The following BLTP3A variants were observed in gnomAD, a reference collection of about 807,000 sequenced individuals.
BLTP3A encodes ICBP90 binding protein 1.
the BLTP3A span, among the ~76,000 whole-genome samples, chr6:34,813,915 A>G: frequency 6.6e-6 from 1 of 152,208 alleles, no homozygotes; most frequent in African/African-American, 2.4e-5. Context: ...CCTCTTATAT[A>G]ATTCTCAGAG....
chr6:34,817,299 A>G, the BLTP3A span, among the ~76,000 whole-genome samples: 1 of 152,198 alleles, frequency 6.6e-6, no homozygotes, highest in African/African-American at 2.4e-5. Context: ...AGTTGTTTTC[A>G]GAGGAAAAGA....
the BLTP3A span, among the ~76,000 whole-genome samples, chr6:34,822,872 A>G: frequency 6.6e-6 from 1 of 151,042 alleles, no homozygotes; most frequent in East Asian, 2.0e-4. Flanking sequence ...AAAAAAGTTT[A>G]GTTTGGGTTG....
the BLTP3A span, among the ~76,000 whole-genome samples, chr6:34,804,889 C>G: frequency 3.3e-5 from 5 of 152,172 alleles, no homozygotes; most frequent in African/African-American, 9.7e-5. Context: ...ATTACTAGCT[C>G]TATGACCTGG....
At chr6:34,867,093 C>T in the BLTP3A span, 3 of 842,418 alleles carry the variant, frequency 3.6e-6, no homozygotes, top group African/African-American at 4.2e-5. Flanking sequence ...TCTAGTTAGT[C>T]CTCAAATTTC....
chr6:34,849,416 AAAAC>A, the BLTP3A span, among the ~76,000 whole-genome samples: 6 of 152,232 alleles, frequency 3.9e-5, no homozygotes, highest in Non-Finnish European at 5.9e-5. Flanking sequence ...ACTGATTACA[AAAAC>A]AAACCAACTA....
chr6:34,793,923 C>CA, the BLTP3A span, among the ~76,000 whole-genome samples: 266 of 123,488 alleles, frequency 2.2e-3, no homozygotes, highest in East Asian at 0.013. Context: ...TTCAAGGGTA[C>CA]AAAAAAAAAA....
At chr6:34,804,107 C>T in the BLTP3A span, among the ~76,000 whole-genome samples, 67 of 152,156 alleles carry the variant, frequency 4.4e-4, no homozygotes, top group Admixed American at 1.2e-3. Flanking sequence ...TTCAGGCAGG[C>T]TCTGGCTCTT....
chr6:34,834,798 A>G, the BLTP3A span: 1 of 1,614,216 alleles, frequency 6.2e-7, no homozygotes, highest in Non-Finnish European at 8.5e-7. Context: ...ATCAGGACCC[A>G]GTCACCACTC....
chr6:34,855,460 C>T, the BLTP3A span, among the ~76,000 whole-genome samples: 2 of 152,214 alleles, frequency 1.3e-5, no homozygotes, highest in Admixed American at 6.5e-5. Flanking sequence ...AAGAGGGCCT[C>T]AGCCTTGCAA....
the BLTP3A span, among the ~76,000 whole-genome samples, chr6:34,846,077 T>TCCTTCCCCTC: frequency 2.8e-5 from 2 of 70,586 alleles, no homozygotes; most frequent in Non-Finnish European, 5.1e-5. Context: ...CCATTTCTTT[T>TCCTTCCCCTC]CCCTCCCCTC....
the BLTP3A span, among the ~76,000 whole-genome samples, chr6:34,805,084 G>A: frequency 1.3e-5 from 2 of 151,700 alleles, no homozygotes; most frequent in East Asian, 1.9e-4. Context: ...GGTTGAGCTC[G>A]GAAGTTCCAG....
the BLTP3A span, among the ~76,000 whole-genome samples, chr6:34,804,043 A>G: frequency 0.068 from 10,284 of 152,220 alleles, 553 homozygotes; most frequent in East Asian, 0.33. Flanking sequence ...GGCAGTATAT[A>G]GTAGTATGTG....
the BLTP3A span, chr6:34,836,248 C>T: frequency 6.2e-7 from 1 of 1,614,202 alleles, no homozygotes; most frequent in African/African-American, 1.3e-5. Flanking sequence ...GCCGCCTCAG[C>T]CAGTACTTTG....
At chr6:34,823,442 C>A in the BLTP3A span, 2 of 983,952 alleles carry the variant, frequency 2.0e-6, no homozygotes, top group Non-Finnish European at 3.2e-6. Flanking sequence ...TGGACATTTT[C>A]AAACTTACAC....
the BLTP3A span, among the ~76,000 whole-genome samples, chr6:34,800,489 G>A: frequency 1.3e-5 from 2 of 152,162 alleles, no homozygotes; most frequent in Non-Finnish European, 2.9e-5. Context: ...GGGAGTAATG[G>A]GGGTTGTAGG....
At chr6:34,852,278 G>A in the BLTP3A span, among the ~76,000 whole-genome samples, 1 of 152,096 alleles carries the variant, frequency 6.6e-6, no homozygotes, top group Non-Finnish European at 1.5e-5. Flanking sequence ...AAGGCCCATG[G>A]CAAATACTGT....
the BLTP3A span, among the ~76,000 whole-genome samples, chr6:34,796,535 G>A: frequency 1.3e-5 from 2 of 152,106 alleles, no homozygotes; most frequent in African/African-American, 2.4e-5. Context: ...GAAACACAAA[G>A]CAATGATTTA....
At chr6:34,864,766 G>C in the BLTP3A span, among the ~76,000 whole-genome samples, 1 of 152,052 alleles carries the variant, frequency 6.6e-6, no homozygotes, top group Non-Finnish European at 1.5e-5. Flanking sequence ...TCGAGAGTTG[G>C]AGACTAGCCT....
At chr6:34,843,794 T>C in the BLTP3A span, among the ~76,000 whole-genome samples, 2 of 152,202 alleles carry the variant, frequency 1.3e-5, no homozygotes, top group Non-Finnish European at 2.9e-5. Context: ...GGTAGTTCTA[T>C]CTTTAGTTTT....
Sources: allele counts gnomAD v4.1 joint callset (sites outside exome capture counted in the v4.1 genomes callset), GRCh38; gene constraint gnomAD v4.1.1; transcripts MANE v1.5; gene names NCBI Gene and HGNC (gene_info 2026-07-23, HGNC 2026-07-21).